NXPE3: variants seen among roughly 807,000 people sequenced by gnomAD.
NXPE3 encodes the protein neurexophilin and PC-esterase domain family member 3.
A neutral mutation model predicts 46.1 loss-of-function variants in NXPE3; 26 were observed. That is an observed-to-expected ratio of 0.56 (90% CI 0.41 to 0.78). NXPE3 has a LOEUF of 0.78. NXPE3 is among the 30% of genes least tolerant of loss of function. The probability of loss-of-function intolerance (pLI) is 0.00; values close to 1 mark genes in which losing one functional copy is unlikely to be tolerated. For missense variants in NXPE3, 620 were observed against 686.0 expected, an observed-to-expected ratio of 0.90 and a Z score of 1.07; for synonymous variants, 272 against 257.9, an observed-to-expected ratio of 1.05 and a Z score of -0.52.
At chr3:101,814,136 G>A (rs1020071794) in intron 6 of NXPE3, among the ~76,000 whole-genome samples, 2 of 152,106 alleles carry the variant, frequency 1.3e-5, no homozygotes, top group Non-Finnish European at 2.9e-5. Flanking sequence ...CGAGTCTACC[G>A]AATTAACAGT....
At chr3:101,785,228 CTT>C (rs1376971109) in intron 3 of NXPE3, among the ~76,000 whole-genome samples, 172 bp from the exon 4 acceptor site, 2 of 152,122 alleles carry the variant, frequency 1.3e-5, no homozygotes, top group Admixed American at 6.5e-5. Flanking sequence ...GGAAAGGAAA[CTT>C]TGAGGAGATT....
At chr3:101,785,713 A>C in intron 4 of NXPE3, 24 bp downstream of exon 4, 1 of 1,595,852 alleles carries the variant, frequency 6.3e-7, no homozygotes, top group Non-Finnish European at 8.6e-7. Flanking sequence ...ATAATCCCTC[A>C]TAACTAAGGG....
chr3:101,807,129 A>G lies in NXPE3; in HGVS notation c.922+3A>G. On this transcript the variant is annotated splice_donor_region_variant and intron_variant, in intron 6 of 7. Transcript: ENST00000273347. ...TGTGATTCCCAGGAGAATAAAAGGTAAAAAAAAGAATAAGCTTGATGATTT... is the reference window on the plus strand; with the variant it reads ...TGTGATTCCCAGGAGAATAAAAGGTGAAAAAAAGAATAAGCTTGATGATTT... 1.3e-6 allele frequency: 2 copies of G among 1,598,300 alleles called. No individual in the cohort carries two copies. Among genetic ancestry groups the G allele is most frequent in the Non-Finnish European group, 1.7e-6 (2 of 1,166,768 alleles).
chr3:101,807,234 G>A, intron 6 of NXPE3, 108 bp downstream of exon 6: 1 of 729,556 alleles, frequency 1.4e-6, no homozygotes, highest in Non-Finnish European at 2.4e-6. Context: ...GTTACTTCTG[G>A]GCACAATTGA....
intron 6 of NXPE3, among the ~76,000 whole-genome samples, chr3:101,808,856 T>TATATATATATATAA (rs1941575402): frequency 3.1e-5 from 4 of 127,658 alleles, no homozygotes; most frequent in South Asian, 2.5e-4. Flanking sequence ...TATATATATA[T>TATATATATATATAA]GAGACATTTA....
rs534555873 is a variant in NXPE3, at chr3:101,785,561, G to A, written c.-36G>A. Reference sequence around the variant, plus strand: ...GAATTTTAAAGAGTGAAGGTAGCATGGTGTCGGCCATGGGTGAACAAGACA... The same window carrying A: ...GAATTTTAAAGAGTGAAGGTAGCATAGTGTCGGCCATGGGTGAACAAGACA... On this transcript the variant is annotated 5_prime_UTR_variant, in exon 4 of 8. An upstream start codon of the reference 5' UTR is lost. Coordinates refer to ENST00000273347, the MANE Select transcript of NXPE3 (RefSeq NM_145037.4). The A allele has an allele frequency of 7.1e-6, 11 of 1,548,726 alleles. No homozygotes were observed. Among genetic ancestry groups the A allele is most frequent in the South Asian group, 1.1e-5 (1 of 89,798 alleles).
rs928050727 is a variant in NXPE3, at chr3:101,785,508, A to G, written c.-89A>G. The G allele has an allele frequency of 2.4e-5, 27 of 1,139,316 alleles. No individual in the cohort carries two copies. Among genetic ancestry groups the G allele is most frequent in the Middle Eastern group, 1.9e-4 (1 of 5,160 alleles). The allele number at this position is 1,139,316 out of a possible 1,614,324, so 70.6% of individuals were successfully genotyped here. A position where few individuals can be genotyped will look rare whatever the true frequency, so the allele number is the denominator to read the frequency against. ...TAGAAGCAAATGAAACTGAAAGCTC[A>G]TCTGCAGCTCAGAAAAGCAAAGACA... On this transcript the variant is annotated 5_prime_UTR_variant, in exon 4 of 8. Transcript: ENST00000273347.
Position 101,801,927 on chromosome 3 carries a change from C to T in NXPE3, c.786C>T (p.Thr262=), listed in dbSNP as rs868341034. 1.9e-6 allele frequency: 3 copies of T among 1,613,886 alleles called. No individual in the cohort carries two copies. Among genetic ancestry groups the T allele is most frequent in the Middle Eastern group, 3.3e-4 (2 of 6,084 alleles). Residue 262 remains threonine, a synonymous_variant, in exon 5 of 8, where the codon ACC becomes ACT. Coordinates refer to ENST00000273347, the MANE Select transcript of NXPE3 (RefSeq NM_145037.4). ...AGCTCCCTTGCAGCAGCAGAATTAC[C>T]CATTTCAAAGGTGGATACCTGAAAG... ...PKKLPCSSRI[T]HFKGGYLKGL... is the part of the protein sequence containing the mutation.
At chr3:101,806,410 G>A (rs1941420552) in intron 5 of NXPE3, among the ~76,000 whole-genome samples, 2 of 152,156 alleles carry the variant, frequency 1.3e-5, no homozygotes, top group South Asian at 2.1e-4. Context: ...TATTTACTGA[G>A]TGTGGACTCT....
chr3:101,817,202 G>A (rs1440759169), intron 7 of NXPE3, among the ~76,000 whole-genome samples: 1 of 152,128 alleles, frequency 6.6e-6, no homozygotes. Flanking sequence ...GGAAGCACTG[G>A]GTTCTCATTG....
intron 4 of NXPE3, among the ~76,000 whole-genome samples, chr3:101,797,605 T>C (rs1940908296): frequency 9.6e-6 from 1 of 103,822 alleles, no homozygotes; most frequent in East Asian, 2.8e-4. Context: ...CCCCAGAGTG[T>C]GATATTCCCC....
intron 4 of NXPE3, among the ~76,000 whole-genome samples, chr3:101,786,290 G>A (rs1287629707): frequency 6.6e-6 from 1 of 152,140 alleles, no homozygotes; most frequent in Non-Finnish European, 1.5e-5. Context: ...CTGTATAAAG[G>A]ATGCTGTCCT....
At chr3:101,803,754 G>A (rs770535293) in intron 5 of NXPE3, among the ~76,000 whole-genome samples, 12 of 152,128 alleles carry the variant, frequency 7.9e-5, no homozygotes, top group Non-Finnish European at 1.2e-4. Context: ...CGAGTAGTTC[G>A]GACTACAGGT....
intron 6 of NXPE3, among the ~76,000 whole-genome samples, chr3:101,808,918 G>T (rs1297405029): frequency 6.9e-6 from 1 of 144,628 alleles, no homozygotes. Context: ...AGTAGACAAG[G>T]TGTCCTTCAG....
chr3:101,804,967 T>C (rs1191866552), intron 5 of NXPE3, among the ~76,000 whole-genome samples: 1 of 152,250 alleles, frequency 6.6e-6, no homozygotes, highest in Non-Finnish European at 1.5e-5. Context: ...ATTGAATCTT[T>C]AGAAACATTG....
intron 6 of NXPE3, among the ~76,000 whole-genome samples, chr3:101,809,292 T>A (rs1037258320): frequency 6.6e-6 from 1 of 152,124 alleles, no homozygotes; most frequent in African/African-American, 2.4e-5. Flanking sequence ...GGTATATAAC[T>A]GGAAAGAAAA....
rs1036035619 is a variant in NXPE3 at position 101,801,402 on chromosome 3, G to A, written c.261G>A (p.Arg87=). 1 of 1,614,224 alleles carries A rather than the reference G, an allele frequency of 6.2e-7. No individual in the cohort carries two copies. Among genetic ancestry groups the A allele is most frequent in the South Asian group, 1.1e-5 (1 of 91,090 alleles). Residue 87 remains arginine (R), a synonymous_variant, in exon 5 of 8, where the codon CGG becomes CGA. Coordinates refer to ENST00000273347, the MANE Select transcript of NXPE3 (RefSeq NM_145037.4). ...ACTCCTTGCTGGCTGCCTTGCACCG[G>A]CAGGTTCCTGATGTGGGCCCAGTCC... The part of the protein sequence containing the change: ...EEDSLLAALH[R]QVPDVGPVPF...
chr3:101,808,854 T>TATATATATATATATGA (rs770360739), intron 6 of NXPE3, among the ~76,000 whole-genome samples: 1 of 100,346 alleles, frequency 1.0e-5, no homozygotes, highest in South Asian at 3.2e-4. Context: ...TATATATATA[T>TATATATATATATATGA]ATGAGACATT....
intron 5 of NXPE3, 98 bp downstream of exon 5, chr3:101,802,087 C>T (rs1941192511): frequency 8.3e-6 from 10 of 1,198,404 alleles, no homozygotes; most frequent in Non-Finnish European, 1.2e-5. Flanking sequence ...GTGTTTCTTA[C>T]CTCTCTCTCA....
Sources: allele counts gnomAD v4.1 joint callset (sites outside exome capture counted in the v4.1 genomes callset), GRCh38; gene constraint gnomAD v4.1.1; transcripts MANE v1.5; gene names NCBI Gene and HGNC (gene_info 2026-07-23, HGNC 2026-07-21).